GRID2IP: variants seen among roughly 807,000 people sequenced by gnomAD.
GRID2IP encodes the protein Grid2 interacting protein, also known as delphilin.
Under a neutral mutation model 114.3 loss-of-function variants are expected in GRID2IP, and 78 were observed. The observed-to-expected ratio is 0.68, with a 90% CI of 0.57 to 0.82. The LOEUF is 0.82. Among genes scored for constraint, GRID2IP ranks in the 40% least tolerant of loss-of-function variants. The probability of loss-of-function intolerance (pLI) is 0.00; values close to 1 mark genes in which losing one functional copy is unlikely to be tolerated. For synonymous variants in GRID2IP, 809 were observed against 724.0 expected (o/e 1.12, Z -1.89); for missense variants, 1,727 against 1,678.5 (o/e 1.03, Z -0.51).
intron 2 of GRID2IP, chr7:6,530,985 C>T: frequency 1.6e-6 from 1 of 610,716 alleles, no homozygotes; most frequent in Non-Finnish European, 2.9e-6. Flanking sequence ...CCAGCCCCAC[C>T]CGCTTTCAGA....
Position 6,543,485 on chromosome 7 carries a change from C to T in GRID2IP, c.430-3613G>A, listed in dbSNP as rs115023492. On this transcript the variant is annotated intron_variant, in intron 1 of 21. Coordinates refer to ENST00000457091, the MANE Select transcript of GRID2IP (RefSeq NM_001145118.2). ...CCCAGTCTCCACCCCTTTCTTCCTG[C>T]CACCTACTTGTCATTCAGCTTTCAG... Among the ~76,000 whole-genome samples, 370 of 152,188 alleles carry T rather than the reference C, an allele frequency of 2.4e-3. 2 individuals carry two copies. Among genetic ancestry groups the T allele is most frequent in the African/African-American group, 8.7e-3 (362 of 41,546 alleles).
At position 6,526,714 on chromosome 7, in the gene GRID2IP, G is replaced by C; in HGVS notation, c.640C>G (p.Leu214Val). ...CGTGCGCGGCACAGCTTGCCCAGGAGGCCCTGAGACACCACCTCGTCGAAG... is the reference window on the plus strand; with the variant it reads ...CGTGCGCGGCACAGCTTGCCCAGGACGCCCTGAGACACCACCTCGTCGAAG... ...ARFDEVVSQG[L>V]LGKLCRARRA... Residue 214 changes from leucine to valine, a missense_variant, in exon 3 of 22, where the codon CTC becomes GTC. Transcript: ENST00000457091. The surrounding 1 kb of genome is among the most constrained non-coding windows in gnomAD (Gnocchi z 7.6). The C allele has an allele frequency of 1.3e-6, 2 of 1,518,944 alleles. No individual in the cohort carries two copies. The highest frequency in any genetic ancestry group is 1.8e-6 in the Non-Finnish European group (2 of 1,133,886). The allele number at this position is 1,518,944 out of a possible 1,614,324, so 94.1% of individuals were successfully genotyped here. A position where few individuals can be genotyped will look rare whatever the true frequency, so the allele number is the denominator to read the frequency against.
chr7:6,513,226 CTTTCTTT>C (rs1583339769), intron 8 of GRID2IP, among the ~76,000 whole-genome samples: 4 of 151,664 alleles, frequency 2.6e-5, no homozygotes, highest in South Asian at 2.1e-4. Context: ...ACGTGAGTTT[CTTTCTTT>C]TTTCTTTTTT....
rs1428644245 is a variant in GRID2IP, at chr7:6,551,068, G to A, written c.369C>T (p.Arg123=). 2.3e-6 allele frequency: 3 copies of A among 1,310,224 alleles called. No individual in the cohort carries two copies. Among genetic ancestry groups the A allele is most frequent in the Non-Finnish European group, 2.9e-6 (3 of 1,033,232 alleles). The allele number at this position is 1,310,224 out of a possible 1,614,324, so 81.2% of individuals were successfully genotyped here. A position where few individuals can be genotyped will look rare whatever the true frequency, so the allele number is the denominator to read the frequency against. Residue 123 remains arginine, a synonymous_variant, in exon 1 of 22, where the codon CGC becomes CGT. Transcript: ENST00000457091. The part of the protein sequence containing the change: ...LGRELLRLAG[R]KRPDAVHRER... Reference sequence around the variant, plus strand: ...CTCGGTGCACCGCGTCCGGGCGCTTGCGGCCGGCCAGGCGAAGCAGCTCAC... The same window carrying A: ...CTCGGTGCACCGCGTCCGGGCGCTTACGGCCGGCCAGGCGAAGCAGCTCAC...
intron 8 of GRID2IP, among the ~76,000 whole-genome samples, chr7:6,512,205 C>T (rs1779184338): frequency 7.7e-6 from 1 of 129,884 alleles, no homozygotes. Context: ...ATGTGAGCCA[C>T]CACACCTGCC....
intron 20 of GRID2IP, among the ~76,000 whole-genome samples, chr7:6,499,853 C>A (rs2115349937): frequency 6.6e-6 from 1 of 152,254 alleles, no homozygotes; most frequent in Non-Finnish European, 1.5e-5. Context: ...CCTCAGCCTC[C>A]TGAGTAGCTG....
chr7:6,544,821 C>A (rs968764815), intron 1 of GRID2IP, among the ~76,000 whole-genome samples: 2 of 151,970 alleles, frequency 1.3e-5, no homozygotes, highest in African/African-American at 4.8e-5. Flanking sequence ...GTGGCTCATG[C>A]CTGTAATCCC....
In GRID2IP at chr7:6,499,034, T is replaced by G. The variant is rs1786340541; in HGVS notation, c.3400-806A>C. 2.0e-5 allele frequency among the ~76,000 whole-genome samples: 3 copies of G among 152,224 alleles called. No individual in the cohort carries two copies. The South Asian group carries it at 6.2e-4, about 31-fold the overall frequency. ...TACATGGTCAGTCTTGCAAAAAGATTCAGTGGCTGAATCGCTATCATTTTT... is the reference window on the plus strand; with the variant it reads ...TACATGGTCAGTCTTGCAAAAAGATGCAGTGGCTGAATCGCTATCATTTTT... On this transcript the variant is annotated intron_variant, in intron 20 of 21. Coordinates refer to ENST00000457091, the MANE Select transcript of GRID2IP (RefSeq NM_001145118.2).
chr7:6,544,372 C>T (rs1027188551), intron 1 of GRID2IP, among the ~76,000 whole-genome samples: 1 of 151,646 alleles, frequency 6.6e-6, no homozygotes, highest in East Asian at 2.0e-4. Flanking sequence ...CTCTGCCTCC[C>T]GGGTTCAAGC....
Position 6,521,925 on chromosome 7 carries a change from C to G in GRID2IP, c.952G>C (p.Gly318Arg), listed in dbSNP as rs1779420183. The G allele has an allele frequency of 6.4e-7, 1 of 1,551,538 alleles. No homozygotes were observed. The highest frequency in any genetic ancestry group is 1.4e-5 in the African/African-American group (1 of 73,160). ...SPADNAALKS[G>R]DRILFLNGLD... Reference sequence around the variant, plus strand: ...CCATTGAGGAAGAGGATCCGGTCACCTGACTTGAGGGCAGCATTGTCAGCT... The same window carrying G: ...CCATTGAGGAAGAGGATCCGGTCACGTGACTTGAGGGCAGCATTGTCAGCT... Residue 318 changes from glycine to arginine, a missense_variant, in exon 5 of 22, where the codon GGT becomes CGT. Transcript: ENST00000457091. This position sits in a 1 kb window ranked among gnomAD's most constrained non-coding sequence, Gnocchi z 4.1.
At position 6,509,072 on chromosome 7, in the gene GRID2IP, G is replaced by A; in HGVS notation, c.2013C>T (p.Ser671=). 1 of 1,523,360 alleles carries A rather than the reference G, an allele frequency of 6.6e-7. No individual in the cohort carries two copies. Among genetic ancestry groups the A allele is most frequent in the South Asian group, 1.2e-5 (1 of 81,400 alleles). 94.4% of individuals were successfully genotyped at this position (1,523,360 alleles called of 1,614,324 possible). A position where few individuals can be genotyped will look rare whatever the true frequency, so the allele number is the denominator to read the frequency against. The change falls in exon 12 of 22, where the codon TCC becomes TCT. Residue 671 remains serine, a synonymous_variant. Coordinates refer to ENST00000457091, the MANE Select transcript of GRID2IP (RefSeq NM_001145118.2). The surrounding 1 kb of genome is among the most constrained non-coding windows in gnomAD (Gnocchi z 4.9). ...PPSRRKLFTF[S]HPVRSRDTDR... is the part of the protein sequence containing the mutation. ...CAGTATCGCGGCTTCGCACAGGGTG[G>A]GAGAAGGTGAAGAGCTTCCTGCGGC...
At chr7:6,500,222 G>A (rs542951961) in intron 20 of GRID2IP, among the ~76,000 whole-genome samples, 4 of 152,158 alleles carry the variant, frequency 2.6e-5, no homozygotes, top group African/African-American at 9.6e-5. Context: ...CCAGCACTTT[G>A]GGAGGCCGAG....
chr7:6,517,579 A>G lies in GRID2IP; in HGVS notation c.1268+2999T>C, dbSNP rs1205854244. ...GTAACAAATGGGAGAGAAATTTACA[A>G]TGTTCAAAATCAAGGAGAAATCAGC... is the stretch of plus-strand genomic sequence containing the variant. On this transcript the variant is annotated intron_variant, in intron 7 of 21. Coordinates refer to ENST00000457091, the MANE Select transcript of GRID2IP (RefSeq NM_001145118.2). Among the ~76,000 whole-genome samples, 3 of 152,248 alleles carry G rather than the reference A, an allele frequency of 2.0e-5. No homozygotes were observed. The East Asian group carries it at 5.8e-4, about 29-fold the overall frequency.
chr7:6,537,851 A>C (rs1326504755), intron 2 of GRID2IP, among the ~76,000 whole-genome samples: 2 of 152,046 alleles, frequency 1.3e-5, no homozygotes, highest in African/African-American at 4.8e-5. Context: ...CTCCGATTCA[A>C]AAAAGCTTCG....
In GRID2IP at chr7:6,551,303, G is replaced by A; in HGVS notation, c.134C>T (p.Pro45Leu). Reference protein sequence around the residue: ...GSSAHAGGLRPGDQILEVEGL... With the variant: ...GSSAHAGGLRLGDQILEVEGL... ...CTCCACCTCCAGGATCTGGTCTCCTGGCCGCAGTCCTCCGGCATGCGCGCT... is the reference window on the plus strand; with the variant it reads ...CTCCACCTCCAGGATCTGGTCTCCTAGCCGCAGTCCTCCGGCATGCGCGCT... The change falls in exon 1 of 22, where the codon CCA becomes CTA. Residue 45 changes from proline (P) to leucine (L), a missense_variant. By Grantham distance (98) the Pro-to-Leu change is moderately conservative (BLOSUM62 -3). Coordinates refer to ENST00000457091, the MANE Select transcript of GRID2IP (RefSeq NM_001145118.2). The A allele has an allele frequency of 6.5e-7, 1 of 1,543,606 alleles. No individual in the cohort carries two copies. Among genetic ancestry groups the A allele is most frequent in the Middle Eastern group, 1.7e-4 (1 of 5,838 alleles).
At chr7:6,541,441 G>A (rs1252855205) in intron 1 of GRID2IP, among the ~76,000 whole-genome samples, 1 of 152,172 alleles carries the variant, frequency 6.6e-6, no homozygotes, top group Non-Finnish European at 1.5e-5. Flanking sequence ...CACAAAAAAA[G>A]TCCTGGCACG....
At position 6,510,585 on chromosome 7, in the gene GRID2IP, C is replaced by G. The variant is rs193236215; in HGVS notation, c.1653+24G>C. The G allele has an allele frequency of 2.6e-4, 397 of 1,500,998 alleles. 10 individuals are homozygous for G. In the Admixed American group the frequency reaches 9.2e-3, roughly 35 times the overall value. 93.0% of individuals were successfully genotyped at this position (1,500,998 alleles called of 1,614,324 possible). Reference sequence around the variant, plus strand: ...CATTCCCTGCCCCCTACTGACCCCACGTGGAGGGCAGAGAAGGTCTCACCA... The same window carrying G: ...CATTCCCTGCCCCCTACTGACCCCAGGTGGAGGGCAGAGAAGGTCTCACCA... On this transcript the variant is annotated intron_variant, in intron 10 of 21. Transcript: ENST00000457091.
intron 8 of GRID2IP, among the ~76,000 whole-genome samples, chr7:6,513,113 G>T (rs1358107159): frequency 6.6e-6 from 1 of 152,206 alleles, no homozygotes; most frequent in Non-Finnish European, 1.5e-5. Flanking sequence ...GGCACTGCAG[G>T]CCTGTGTGTG....
At chr7:6,510,757 C>T (rs900365220) in intron 9 of GRID2IP, 51 bp from the exon 10 acceptor site, 47 of 1,510,772 alleles carry the variant, frequency 3.1e-5, no homozygotes, top group South Asian at 1.1e-4. Flanking sequence ...GCTCAGGCCC[C>T]GGCCCAGAAC....
Sources: allele counts gnomAD v4.1 joint callset (sites outside exome capture counted in the v4.1 genomes callset), GRCh38; gene constraint gnomAD v4.1.1; non-coding constraint Gnocchi (gnomAD v3.1); transcripts MANE v1.5; gene names NCBI Gene and HGNC (gene_info 2026-07-23, HGNC 2026-07-21).